Variants in NRG1 observed in about 807,000 individuals in gnomAD.
NRG1 encodes the protein neuregulin 1, also known as pro-neuregulin-1, membrane-bound isoform.
NRG1 carries 18 observed loss-of-function variants against 63.8 expected under a neutral mutation model. That is an observed-to-expected ratio of 0.28 (90% CI 0.19 to 0.42). The LOEUF is 0.42. Ranked by LOEUF, NRG1 falls within the 10% of genes least tolerant of loss-of-function variation. The pLI, the probability that NRG1 is intolerant of heterozygous loss-of-function variation, is 1.00. For missense variants in NRG1, 762 were observed against 814.7 expected, an observed-to-expected ratio of 0.94 and a Z score of 0.79; for synonymous variants, 302 against 301.3, an observed-to-expected ratio of 1.00 and a Z score of -0.02.
intron 3 of NRG1, among the ~76,000 whole-genome samples, chr8:32,612,468 C>G (rs750130902): frequency 6.6e-6 from 1 of 151,882 alleles, no homozygotes; most frequent in Non-Finnish European, 1.5e-5. Flanking sequence ...TATTTGAAAC[C>G]ATAATCATTA....
At chr8:31,947,956 A>C (rs1216573626) in intron 1 of NRG1, among the ~76,000 whole-genome samples, 4 of 150,240 alleles carry the variant, frequency 2.7e-5, no homozygotes, top group East Asian at 2.0e-4. Context: ...AAAAAAAAAA[A>C]AAAAAAAAAA....
intron 6 of NRG1, among the ~76,000 whole-genome samples, chr8:32,737,408 G>A (rs1825340098): frequency 6.6e-6 from 1 of 151,944 alleles, no homozygotes; most frequent in Admixed American, 6.6e-5. Context: ...AAAATTAGCT[G>A]GGCATGGTGG....
intron 1 of NRG1, among the ~76,000 whole-genome samples, chr8:31,979,756 T>C (rs1450372036): frequency 6.6e-6 from 1 of 152,050 alleles, no homozygotes; most frequent in African/African-American, 2.4e-5. Flanking sequence ...TGAACAAATA[T>C]TATATTACAG....
At chr8:31,826,859 T>C (rs911560414) in intron 1 of NRG1, among the ~76,000 whole-genome samples, 1 of 152,250 alleles carries the variant, frequency 6.6e-6, no homozygotes, top group East Asian at 1.9e-4. Flanking sequence ...GAGAGATAAA[T>C]GCAGTTATAT....
chr8:32,289,676 T>G (rs1853962553), intron 1 of NRG1, among the ~76,000 whole-genome samples: 1 of 152,186 alleles, frequency 6.6e-6, no homozygotes, highest in Non-Finnish European at 1.5e-5. Context: ...ATTTGTAAAT[T>G]TAATACATTT....
chr8:32,498,933 T>C (rs1051444897), intron 1 of NRG1, among the ~76,000 whole-genome samples: 1 of 152,164 alleles, frequency 6.6e-6, no homozygotes, highest in African/African-American at 2.4e-5. Flanking sequence ...GTAGCATATT[T>C]TGGGGTGGCA....
intron 1 of NRG1, chr8:32,136,652 T>A (rs528359618): frequency 6.6e-6 from 1 of 152,192 alleles, no homozygotes; most frequent in African/African-American, 2.4e-5. Flanking sequence ...TAACACATGA[T>A]CATATGTCTT....
At chr8:32,362,597 C>T (rs1205187190) in intron 1 of NRG1, among the ~76,000 whole-genome samples, 1 of 152,164 alleles carries the variant, frequency 6.6e-6, no homozygotes, top group African/African-American at 2.4e-5. Context: ...GATGAGACTA[C>T]TGAGACAATC....
intron 5 of NRG1, among the ~76,000 whole-genome samples, chr8:32,643,470 C>T (rs1027278012): frequency 5.3e-5 from 8 of 152,140 alleles, no homozygotes; most frequent in Non-Finnish European, 8.8e-5. Flanking sequence ...TTCACAGTGC[C>T]GGCTGGCATC....
At chr8:32,257,947 C>T (rs1193501352) in intron 1 of NRG1, among the ~76,000 whole-genome samples, 1 of 152,130 alleles carries the variant, frequency 6.6e-6, no homozygotes. Flanking sequence ...TAAGTATAAC[C>T]ATATTTTGTG....
At chr8:32,615,968 A>G (rs192219700) in intron 4 of NRG1, among the ~76,000 whole-genome samples, 1 of 152,254 alleles carries the variant, frequency 6.6e-6, no homozygotes, top group East Asian at 1.9e-4. Flanking sequence ...ACTCCAGTAA[A>G]TGCCATTAGG....
intron 1 of NRG1, among the ~76,000 whole-genome samples, chr8:32,296,997 C>T (rs899760681): frequency 1.3e-5 from 2 of 151,978 alleles, no homozygotes; most frequent in African/African-American, 2.4e-5. Context: ...CACCTGTAGT[C>T]CCAACTACTC....
At chr8:32,677,642 G>T (rs1372572025) in intron 5 of NRG1, among the ~76,000 whole-genome samples, 1 of 151,956 alleles carries the variant, frequency 6.6e-6, no homozygotes, top group South Asian at 2.1e-4. Flanking sequence ...GGGTGACAGA[G>T]CCAGACCCTG....
At chr8:32,163,195 A>G (rs545150479) in intron 1 of NRG1, among the ~76,000 whole-genome samples, 11 of 152,340 alleles carry the variant, frequency 7.2e-5, no homozygotes, top group African/African-American at 2.6e-4. Context: ...TTTCCAGCCT[A>G]GAGACCCATG....
At chr8:31,658,783 G>A (rs1214387976) in intron 1 of NRG1, among the ~76,000 whole-genome samples, 1 of 152,154 alleles carries the variant, frequency 6.6e-6, no homozygotes, top group East Asian at 1.9e-4. Flanking sequence ...CCTTCTTAAT[G>A]TTAATCAGCA....
Position 32,548,301 on chromosome 8 carries a change from G to C in NRG1, c.-426G>C, listed in dbSNP as rs1440139565. On this transcript the variant is annotated 5_prime_UTR_variant, in exon 1 of 12. Coordinates refer to ENST00000356819, the Ensembl canonical transcript of NRG1. ...GGGCAATTGAAAAAGAGCCGGCGAG[G>C]AGTTCCCCGAAACTTGTTGGAACTC... 26 of 990,554 alleles carry C rather than the reference G, an allele frequency of 2.6e-5. No individual in the cohort carries two copies. The highest frequency in any genetic ancestry group is 4.7e-5 in the South Asian group (1 of 21,326). 61.4% of individuals were successfully genotyped at this position (990,554 alleles called of 1,614,324 possible).
chr8:32,285,783 G>A lies in NRG1; in HGVS notation c.38-310045G>A, dbSNP rs1853447686. ...AAAGAGTTTTTATGGCGAACAGAAAGCTGTCTGGATTCTTGCTATGGTTGT... is the reference window on the plus strand; with the variant it reads ...AAAGAGTTTTTATGGCGAACAGAAAACTGTCTGGATTCTTGCTATGGTTGT... On this transcript the variant is annotated intron_variant, in intron 1 of 10. Transcript: ENST00000519301. 4.6e-5 allele frequency among the ~76,000 whole-genome samples: 7 copies of A among 152,146 alleles called. No homozygotes were observed. The South Asian group carries it at 1.4e-3, about 32-fold the overall frequency.
At chr8:31,736,619 C>G (rs1221493456) in intron 1 of NRG1, among the ~76,000 whole-genome samples, 1 of 152,122 alleles carries the variant, frequency 6.6e-6, no homozygotes, top group East Asian at 1.9e-4. Context: ...GACATACTTC[C>G]TTTTGCAGGT....
At chr8:32,413,160 A>G (rs144337294) in intron 1 of NRG1, among the ~76,000 whole-genome samples, 2 of 152,342 alleles carry the variant, frequency 1.3e-5, no homozygotes, top group East Asian at 3.9e-4. Context: ...TCATGGATGT[A>G]TTCAAATATA....
Sources: gnomAD v4.1 joint callset for allele counts (sites outside exome capture counted in the v4.1 genomes callset) on GRCh38, gnomAD v4.1.1 for gene constraint, MANE v1.5 for transcripts, NCBI Gene and HGNC (gene_info 2026-07-23, HGNC 2026-07-21) for gene names.